Variants in TRMT44 observed in about 807,000 individuals in gnomAD.
TRMT44 encodes probable tRNA (uracil-O(2)-)-methyltransferase.
A neutral mutation model predicts 77.3 loss-of-function variants in TRMT44; 78 were observed. The observed-to-expected ratio is 1.01, with a 90% CI of 0.84 to 1.22. The LOEUF is 1.22. Ranked by LOEUF, TRMT44 falls within the 50% of genes most tolerant of loss-of-function variation. The pLI, the probability that TRMT44 is intolerant of heterozygous loss-of-function variation, is 0.00. For missense variants in TRMT44, 1,090 were observed against 964.4 expected, an observed-to-expected ratio of 1.13 and a Z score of -1.73; for synonymous variants, 391 against 383.3, an observed-to-expected ratio of 1.02 and a Z score of -0.23.
intron 9 of TRMT44, among the ~76,000 whole-genome samples, chr4:8,469,576 G>A (rs754961595): frequency 1.3e-5 from 2 of 152,226 alleles, no homozygotes; most frequent in African/African-American, 2.4e-5. Flanking sequence ...GACGGCTTTC[G>A]GTGGGTGAGG....
intron 10 of TRMT44, among the ~76,000 whole-genome samples, chr4:8,472,740 GCT>G (rs1257600866): frequency 1.3e-5 from 2 of 152,310 alleles, no homozygotes; most frequent in South Asian, 2.1e-4. Flanking sequence ...TGTCCCTGAG[GCT>G]GCCCCCAGAG....
Position 8,444,728 on chromosome 4 carries a change from G to C in TRMT44, c.620-1748G>C, listed in dbSNP as rs757309325. ...TGTACATTTTTAAATAACGAAAAGA[G>C]TGTAATTGGATTGTTTGTAACACAA... On this transcript the variant is annotated intron_variant, in intron 1 of 10. Transcript: ENST00000389737. This position sits in a 1 kb window ranked among gnomAD's most constrained non-coding sequence, Gnocchi z 4.0. Among the ~76,000 whole-genome samples, 1 of 152,236 alleles carries C rather than the reference G, an allele frequency of 6.6e-6. No homozygotes were observed. The highest frequency in any genetic ancestry group is 1.5e-5 in the Non-Finnish European group (1 of 68,046).
intron 2 of TRMT44, among the ~76,000 whole-genome samples, chr4:8,448,914 T>C (rs993387135): frequency 2.0e-5 from 3 of 152,224 alleles, no homozygotes; most frequent in East Asian, 1.9e-4. Flanking sequence ...TTCTTAGGAA[T>C]GTCCGTTGAA....
At chr4:8,482,278 T>TGCACA (rs1727640236) in intron 2 of TRMT44, 1 of 152,218 alleles carries the variant, frequency 6.6e-6, no homozygotes, top group African/African-American at 2.4e-5. Context: ...ACAGCCGTGT[T>TGCACA]GAGTTTTGCA....
At position 8,440,879 on chromosome 4, in the gene TRMT44, C is replaced by T. The variant is rs1436961450; in HGVS notation, c.57C>T (p.Gly19=). ...ACCCAGGCGCGCTTCTCCCACAGGG[C>T]TTCTGGGCTGCGGTCGAAGTGTGGC... is the stretch of plus-strand genomic sequence containing the variant. ...ISYPGALLPQ[G]FWAAVEVWLE... is the part of the protein sequence containing the mutation. Residue 19 remains glycine, a synonymous_variant, in exon 1 of 11, where the codon GGC becomes GGT. Coordinates refer to ENST00000389737, the MANE Select transcript of TRMT44 (RefSeq NM_152544.3). The T allele has an allele frequency of 1.3e-6, 2 of 1,527,366 alleles. No homozygotes were observed. Among genetic ancestry groups the T allele is most frequent in the Non-Finnish European group, 1.7e-6 (2 of 1,144,258 alleles). The allele number at this position is 1,527,366 out of a possible 1,614,324, so 94.6% of individuals were successfully genotyped here.
chr4:8,449,949 C>CTTTTTTTTTTT (rs745915221), intron 3 of TRMT44, 61 bp downstream of exon 3: 222 of 239,002 alleles, frequency 9.3e-4, no homozygotes, highest in Middle Eastern at 2.6e-3. Context: ...CTTTTCTTTT[C>CTTTTTTTTTTT]TTTTTTTTTT....
intron 8 of TRMT44, among the ~76,000 whole-genome samples, chr4:8,465,790 C>T (rs555433323): frequency 6.6e-6 from 1 of 152,350 alleles, no homozygotes; most frequent in Non-Finnish European, 1.5e-5. Flanking sequence ...CAGGAGTCCT[C>T]GCCAAGCCCT....
Position 8,449,873 on chromosome 4 carries a change from T to C in TRMT44, c.939T>C (p.Tyr313=). ...SKAYQELKEK[Y]KEMVKVWPEV... The stretch of plus-strand genomic sequence containing the variant: ...CTTACCAGGAACTTAAAGAGAAGTA[T>C]AAGGAAATGGTTAAGGTAATTCTGG... The change falls in exon 3 of 11, where the codon TAT becomes TAC. Residue 313 remains tyrosine, a synonymous_variant. Transcript: ENST00000389737. 2 of 1,525,630 alleles carry C rather than the reference T, an allele frequency of 1.3e-6. No homozygotes were observed. Among genetic ancestry groups the C allele is most frequent in the South Asian group, 2.4e-5 (2 of 83,614 alleles). 94.5% of individuals were successfully genotyped at this position (1,525,630 alleles called of 1,614,324 possible).
chr4:8,486,236 C>G (rs1030349040), intron 2 of TRMT44, among the ~76,000 whole-genome samples: 3 of 152,188 alleles, frequency 2.0e-5, no homozygotes, highest in African/African-American at 4.8e-5. Flanking sequence ...ATTTCTGGCA[C>G]TTGTAGCAAG....
intron 5 of TRMT44, among the ~76,000 whole-genome samples, chr4:8,454,106 A>G (rs1177346003): frequency 6.6e-6 from 1 of 152,144 alleles, no homozygotes; most frequent in East Asian, 1.9e-4. Flanking sequence ...ATGAGAGCCA[A>G]TGAGTGTGGC....
At chr4:8,479,764 C>T (rs1727555269), downstream of TRMT44, among the ~76,000 whole-genome samples, 1 of 152,202 alleles carries the variant, frequency 6.6e-6, no homozygotes, top group South Asian at 2.1e-4. Context: ...ATAACACATT[C>T]ACTTGAGCTT....
At position 8,446,996 on chromosome 4, in the gene TRMT44, G is replaced by A. The variant is rs925482910; in HGVS notation, c.734+406G>A. Among the ~76,000 whole-genome samples the A allele has an allele frequency of 1.4e-4, 22 of 152,160 alleles. No individual in the cohort carries two copies. Among genetic ancestry groups the A allele is most frequent in the African/African-American group, 4.8e-4 (20 of 41,506 alleles). ...TACCTCCTGCATTTAAGTGATTCTCGTGCCTCAGTCTGCACAGTACAGGCA... is the reference window on the plus strand; with the variant it reads ...TACCTCCTGCATTTAAGTGATTCTCATGCCTCAGTCTGCACAGTACAGGCA... On this transcript the variant is annotated intron_variant, in intron 2 of 10. Transcript: ENST00000389737. This position sits in a 1 kb window ranked among gnomAD's most constrained non-coding sequence, Gnocchi z 4.3.
At chr4:8,449,538 C>G in intron 2 of TRMT44, 131 bp from the exon 3 acceptor site, 1 of 661,842 alleles carries the variant, frequency 1.5e-6, no homozygotes, top group South Asian at 2.2e-5. Flanking sequence ...GTAACTAGTT[C>G]TAGTTCGTTT....
In TRMT44 at chr4:8,459,707, C is replaced by T. The variant is rs1726031885; in HGVS notation, c.1204-4278C>T. On this transcript the variant is annotated intron_variant, in intron 6 of 10. Coordinates refer to ENST00000389737, the MANE Select transcript of TRMT44 (RefSeq NM_152544.3). ...TTCTGAGCACTACAAGAGATGCATC[C>T]AATGGGAGAAAAAACAGCTGTACAC... Among the ~76,000 whole-genome samples, 2 of 152,138 alleles carry T rather than the reference C, an allele frequency of 1.3e-5. 1 individual carries two copies. Among genetic ancestry groups the T allele is most frequent in the South Asian group, 4.1e-4 (2 of 4,832 alleles).
intron 9 of TRMT44, 123 bp from the exon 10 acceptor site, chr4:8,470,961 T>A (rs1726949058): frequency 3.0e-6 from 2 of 671,764 alleles, no homozygotes; most frequent in South Asian, 3.9e-5. Context: ...GGAATCGTCC[T>A]TCGTGCTGGA....
chr4:8,485,681 G>A (rs6839178), intron 2 of TRMT44, among the ~76,000 whole-genome samples: 1,804 of 152,248 alleles, frequency 0.012, 33 homozygotes, highest in African/African-American at 0.04. Flanking sequence ...GGAGAAGGGC[G>A]GCAATGAGAT....
downstream of TRMT44, among the ~76,000 whole-genome samples, chr4:8,494,127 ATCAC>A (rs903555224): frequency 6.6e-6 from 1 of 151,570 alleles, no homozygotes. Context: ...GGACCCCCAA[ATCAC>A]TCAGCCAAAG....
chr4:8,475,672 G>T (rs775367813), intron 10 of TRMT44, 100 bp from the exon 11 acceptor site: 8 of 1,101,076 alleles, frequency 7.3e-6, no homozygotes, highest in Non-Finnish European at 1.1e-5. Flanking sequence ...CCCTGACCCT[G>T]GATTGGCACC....
At chr4:8,480,581 A>C (rs1727584608), downstream of TRMT44, among the ~76,000 whole-genome samples, 1 of 152,138 alleles carries the variant, frequency 6.6e-6, no homozygotes, top group Non-Finnish European at 1.5e-5. Context: ...CCAATTCCTG[A>C]GATTTTATTG....
Sources: allele counts gnomAD v4.1 joint callset (sites outside exome capture counted in the v4.1 genomes callset), GRCh38; gene constraint gnomAD v4.1.1; non-coding constraint Gnocchi (gnomAD v3.1); transcripts MANE v1.5; gene names NCBI Gene and HGNC (gene_info 2026-07-23, HGNC 2026-07-21).